The following LRP1B variants were observed in gnomAD, a reference collection of about 807,000 sequenced individuals.
The protein encoded by LRP1B is low-density lipoprotein receptor-related protein 1B.
In LRP1B, 217 loss-of-function variants were observed where a neutral mutation model predicts 556.6. The observed-to-expected ratio is 0.39, with a 90% confidence interval of 0.35 to 0.44. LRP1B has a LOEUF of 0.44. Among genes scored for constraint, LRP1B ranks in the 20% least tolerant of loss-of-function variants. The probability of loss-of-function intolerance (pLI) is 1.00; values close to 1 mark genes in which losing one functional copy is unlikely to be tolerated. For missense variants in LRP1B, 5,053 were observed against 5,620.8 expected, an observed-to-expected ratio of 0.90 and a Z score of 3.23; for synonymous variants, 2,047 against 1,865.8, an observed-to-expected ratio of 1.10 and a Z score of -2.50.
At chr2:140,951,745 G>C (rs551600351) in intron 19 of LRP1B, 115 bp downstream of exon 19, 5 of 737,652 alleles carry the variant, frequency 6.8e-6, no homozygotes, top group Non-Finnish European at 1.1e-5. Context: ...TGTTTTAGCC[G>C]TTTTTCTTGG....
intron 2 of LRP1B, among the ~76,000 whole-genome samples, chr2:141,760,927 T>A (rs1694521479): frequency 6.6e-6 from 1 of 152,202 alleles, no homozygotes; most frequent in African/African-American, 2.4e-5. Flanking sequence ...TAGCAAAACA[T>A]CTTTCAATTA....
At chr2:141,081,354 T>C (rs1051279693) in intron 7 of LRP1B, among the ~76,000 whole-genome samples, 1 of 152,154 alleles carries the variant, frequency 6.6e-6, no homozygotes, top group Non-Finnish European at 1.5e-5. Flanking sequence ...ATTCATAAAA[T>C]TTAAAAAAGA....
intron 2 of LRP1B, among the ~76,000 whole-genome samples, chr2:141,522,792 T>C (rs1264536205): frequency 6.6e-6 from 1 of 152,190 alleles, no homozygotes; most frequent in Non-Finnish European, 1.5e-5. Context: ...TGGCAGGTTC[T>C]TTTGCCCTCT....
chr2:140,890,885 T>C (rs1470466193), intron 23 of LRP1B, among the ~76,000 whole-genome samples: 1 of 152,114 alleles, frequency 6.6e-6, no homozygotes, highest in Non-Finnish European at 1.5e-5. Context: ...AAGAATTTTC[T>C]AGTTTGTTTT....
At chr2:140,272,096 TTG>T (rs1215275541) in intron 85 of LRP1B, among the ~76,000 whole-genome samples, 1 of 151,972 alleles carries the variant, frequency 6.6e-6, no homozygotes, top group African/African-American at 2.4e-5. Context: ...CCTCTAAAGT[TTG>T]TGTTTGAATC....
chr2:141,776,127 T>C (rs1407309096), intron 2 of LRP1B, among the ~76,000 whole-genome samples: 1 of 152,176 alleles, frequency 6.6e-6, no homozygotes, highest in Non-Finnish European at 1.5e-5. Flanking sequence ...ATTACAGGCA[T>C]GAGCCACCAG....
intron 20 of LRP1B, among the ~76,000 whole-genome samples, chr2:140,949,127 A>G (rs1695629871): frequency 6.6e-6 from 1 of 152,192 alleles, no homozygotes; most frequent in Non-Finnish European, 1.5e-5. Context: ...ACACTAAATA[A>G]ATTACTTTGT....
chr2:140,316,090 C>G (rs1363745959), intron 82 of LRP1B, among the ~76,000 whole-genome samples: 2 of 152,074 alleles, frequency 1.3e-5, no homozygotes, highest in African/African-American at 4.8e-5. Context: ...GGTTTGGAAT[C>G]ATTTTCTAGG....
At chr2:141,239,088 G>A (rs1293647947) in intron 5 of LRP1B, among the ~76,000 whole-genome samples, 1 of 152,024 alleles carries the variant, frequency 6.6e-6, no homozygotes, top group Admixed American at 6.6e-5. Flanking sequence ...ATGTCTAAAG[G>A]ACTGAACGCT....
At chr2:141,797,497 A>C (rs1460969103) in intron 2 of LRP1B, among the ~76,000 whole-genome samples, 1 of 151,994 alleles carries the variant, frequency 6.6e-6, no homozygotes, top group Non-Finnish European at 1.5e-5. Context: ...CAATTCAAAA[A>C]GTGCAAAGTT....
chr2:140,820,031 G>A (rs139204959), intron 31 of LRP1B, among the ~76,000 whole-genome samples: 2 of 152,026 alleles, frequency 1.3e-5, no homozygotes, highest in African/African-American at 2.4e-5. Flanking sequence ...ACAGAGTCTC[G>A]CTCTGTCGCC....
intron 66 of LRP1B, among the ~76,000 whole-genome samples, chr2:140,435,113 C>A (rs1237806585): frequency 2.0e-5 from 3 of 152,014 alleles, no homozygotes; most frequent in Non-Finnish European, 4.4e-5. Context: ...ATGGAAATTG[C>A]CAGCCCAAAA....
Position 141,735,552 on chromosome 2 carries a change from C to T in LRP1B, c.205+74727G>A, listed in dbSNP as rs1301580460. 2.6e-5 allele frequency among the ~76,000 whole-genome samples: 4 copies of T among 151,016 alleles called. No individual in the cohort carries two copies. In the East Asian group the frequency reaches 7.8e-4, roughly 29 times the overall value. ...GATAGGCTGTTTCAAAGCTTAAGAACTGCAATTTATAGAGAACATTGACTG... is the reference window on the plus strand; with the variant it reads ...GATAGGCTGTTTCAAAGCTTAAGAATTGCAATTTATAGAGAACATTGACTG... On this transcript the variant is annotated intron_variant, in intron 2 of 90. Coordinates refer to ENST00000389484, the MANE Select transcript of LRP1B (RefSeq NM_018557.3).
At chr2:141,708,379 T>A (rs969064644) in intron 2 of LRP1B, among the ~76,000 whole-genome samples, 1 of 152,030 alleles carries the variant, frequency 6.6e-6, no homozygotes, top group African/African-American at 2.4e-5. Context: ...AGGGGTCAAA[T>A]GAGCAGCAGA....
At chr2:140,687,775 T>A (rs1034748812) in intron 41 of LRP1B, among the ~76,000 whole-genome samples, 32 of 152,226 alleles carry the variant, frequency 2.1e-4, no homozygotes, top group Non-Finnish European at 4.6e-4. Context: ...TATATAAAAT[T>A]GAAATATTTT....
intron 3 of LRP1B, among the ~76,000 whole-genome samples, chr2:141,434,340 T>C (rs1048651905): frequency 5.3e-5 from 8 of 152,180 alleles, no homozygotes; most frequent in Non-Finnish European, 8.8e-5. Context: ...AGTTTGTTGA[T>C]TCTTTTTTTC....
chr2:141,775,097 G>A (rs1053707900), intron 2 of LRP1B, among the ~76,000 whole-genome samples: 8 of 152,200 alleles, frequency 5.3e-5, no homozygotes, highest in Admixed American at 2.6e-4. Flanking sequence ...ACATGTAGGA[G>A]TCCTTCCCCA....
chr2:142,045,463 C>T (rs1559040902), intron 1 of LRP1B, among the ~76,000 whole-genome samples: 1 of 151,800 alleles, frequency 6.6e-6, no homozygotes, highest in Non-Finnish European at 1.5e-5. Flanking sequence ...CTTAAATTAG[C>T]ACTTATAGTC....
intron 16 of LRP1B, among the ~76,000 whole-genome samples, chr2:140,989,861 A>C (rs1211247585): frequency 1.3e-5 from 2 of 152,144 alleles, no homozygotes; most frequent in African/African-American, 4.8e-5. Context: ...AACATCAAGT[A>C]ATTACATCTT....
Sources: allele counts gnomAD v4.1 joint callset (sites outside exome capture counted in the v4.1 genomes callset), GRCh38; gene constraint gnomAD v4.1.1; transcripts MANE v1.5; gene names NCBI Gene and HGNC (gene_info 2026-07-23, HGNC 2026-07-21).